Variants in PLXDC2 observed in about 807,000 individuals in gnomAD.
PLXDC2 encodes plexin domain containing 2, also known as plexin domain-containing protein 2.
In PLXDC2, 40 loss-of-function variants were observed where a neutral mutation model predicts 68.9. The observed-to-expected ratio is 0.58, with a 90% CI of 0.45 to 0.76. The LOEUF (loss-of-function observed/expected upper bound fraction) is 0.76, where lower values mean the gene tolerates loss of function less well. Among genes scored for constraint, PLXDC2 ranks in the 30% least tolerant of loss-of-function variants. The probability of loss-of-function intolerance (pLI) is 0.00; values close to 1 mark genes in which losing one functional copy is unlikely to be tolerated. For synonymous variants in PLXDC2, 243 were observed against 234.2 expected (o/e 1.04, Z -0.34); for missense variants, 644 against 661.9 (o/e 0.97, Z 0.30).
intron 4 of PLXDC2, among the ~76,000 whole-genome samples, chr10:20,131,671 A>T (rs894735543): frequency 1.3e-5 from 2 of 152,194 alleles, no homozygotes; most frequent in Non-Finnish European, 2.9e-5. Flanking sequence ...AAGTGCTGGG[A>T]TTACAGGCGT....
chr10:20,138,244 G>A (rs776259094), intron 4 of PLXDC2, among the ~76,000 whole-genome samples: 22 of 152,158 alleles, frequency 1.4e-4, no homozygotes, highest in Admixed American at 6.5e-5. Flanking sequence ...TAAAGTCGCA[G>A]TTTCCAAGAA....
chr10:20,202,358 CAT>C (rs1336003469), intron 9 of PLXDC2, among the ~76,000 whole-genome samples: 7 of 152,154 alleles, frequency 4.6e-5, no homozygotes, highest in Non-Finnish European at 8.8e-5. Context: ...TCAGAAATCT[CAT>C]ACTTTATGTT....
At chr10:19,886,651 A>G (rs1466506649) in intron 1 of PLXDC2, among the ~76,000 whole-genome samples, 1 of 152,214 alleles carries the variant, frequency 6.6e-6, no homozygotes, top group Non-Finnish European at 1.5e-5. Flanking sequence ...ATCTATGACA[A>G]ACCCACAGCC....
At chr10:20,065,473 G>T (rs187825064) in intron 3 of PLXDC2, among the ~76,000 whole-genome samples, 23 of 152,298 alleles carry the variant, frequency 1.5e-4, no homozygotes, top group Middle Eastern at 6.8e-3. Context: ...CCAGTTTCAT[G>T]AAAGGTGGTT....
intron 1 of PLXDC2, among the ~76,000 whole-genome samples, chr10:19,991,681 A>G (rs1406541953): frequency 1.3e-5 from 2 of 152,178 alleles, no homozygotes. Flanking sequence ...AACTGAATAT[A>G]AAGTTATGAC....
intron 4 of PLXDC2, among the ~76,000 whole-genome samples, chr10:20,136,474 T>G (rs1833934418): frequency 6.6e-6 from 1 of 152,192 alleles, no homozygotes; most frequent in South Asian, 2.1e-4. Context: ...TTCAAGCAAC[T>G]TGTCCACCAC....
chr10:20,047,067 G>T, intron 3 of PLXDC2, 52 bp downstream of exon 3: 2 of 1,499,272 alleles, frequency 1.3e-6, no homozygotes, highest in South Asian at 1.4e-5. Context: ...AAAAATAATT[G>T]CTTTAATTGG....
chr10:19,834,777 A>G (rs771966878), intron 1 of PLXDC2, among the ~76,000 whole-genome samples: 1 of 152,240 alleles, frequency 6.6e-6, no homozygotes, highest in South Asian at 2.1e-4. Context: ...GATGTATCCT[A>G]TGCGCCTAGC....
At chr10:20,125,620 G>A (rs369087140) in intron 4 of PLXDC2, among the ~76,000 whole-genome samples, 1 of 152,126 alleles carries the variant, frequency 6.6e-6, no homozygotes. Context: ...AGCAAAGAGA[G>A]GAATCAATGC....
chr10:20,195,307 A>G (rs1834822819), intron 9 of PLXDC2, among the ~76,000 whole-genome samples: 1 of 152,100 alleles, frequency 6.6e-6, no homozygotes, highest in Non-Finnish European at 1.5e-5. Flanking sequence ...TGATTCATGC[A>G]TGTTTTCCTG....
At chr10:20,179,701 G>A (rs930949198) in intron 9 of PLXDC2, among the ~76,000 whole-genome samples, 5 of 151,978 alleles carry the variant, frequency 3.3e-5, no homozygotes, top group African/African-American at 7.2e-5. Flanking sequence ...TTTGACATTC[G>A]AAACATATCT....
At chr10:19,880,999 G>C (rs924624508) in intron 1 of PLXDC2, among the ~76,000 whole-genome samples, 3 of 152,100 alleles carry the variant, frequency 2.0e-5, no homozygotes, top group African/African-American at 7.2e-5. Flanking sequence ...TTTAAAATTA[G>C]GTTGTGCTCA....
At chr10:20,075,590 C>T (rs1256741692) in intron 4 of PLXDC2, among the ~76,000 whole-genome samples, 1 of 152,084 alleles carries the variant, frequency 6.6e-6, no homozygotes, top group Non-Finnish European at 1.5e-5. Context: ...CTCCTTGTGG[C>T]AGGGGTGGGA....
chr10:20,108,154 G>A (rs1246726040), intron 4 of PLXDC2, among the ~76,000 whole-genome samples: 1 of 152,136 alleles, frequency 6.6e-6, no homozygotes, highest in African/African-American at 2.4e-5. Context: ...CGTCGGCACG[G>A]CAAGGCAACA....
chr10:20,009,006 A>G (rs1050938841), intron 2 of PLXDC2, among the ~76,000 whole-genome samples: 1 of 152,162 alleles, frequency 6.6e-6, no homozygotes, highest in Non-Finnish European at 1.5e-5. Flanking sequence ...GCAGCTTGAA[A>G]ACGGACTAAT....
In PLXDC2 at chr10:20,001,706, G is replaced by T. The variant is rs755227147; in HGVS notation, c.113-69G>T. 2.8e-6 allele frequency: 4 copies of T among 1,413,264 alleles called. No individual in the cohort carries two copies. In the Admixed American group the frequency reaches 7.9e-5, roughly 28 times the overall value. 87.5% of individuals were successfully genotyped at this position (1,413,264 alleles called of 1,614,324 possible). On this transcript the variant is annotated intron_variant, in intron 1 of 13. Coordinates refer to ENST00000377252, the MANE Select transcript of PLXDC2 (RefSeq NM_032812.9). ...CCTCACAGAATTCTTTTTTCTTCTC[G>T]AGCCGATAGCACTTGCATGTATGGT...
At chr10:20,055,520 C>T (rs1447020867) in intron 3 of PLXDC2, among the ~76,000 whole-genome samples, 1 of 152,084 alleles carries the variant, frequency 6.6e-6, no homozygotes, top group Non-Finnish European at 1.5e-5. Context: ...CTAGACTGCA[C>T]ATTTTTGCCT....
chr10:19,819,247 A>C (rs1294882397), intron 1 of PLXDC2, among the ~76,000 whole-genome samples: 1 of 152,232 alleles, frequency 6.6e-6, no homozygotes, highest in Admixed American at 6.5e-5. Context: ...ATACTCTAGA[A>C]ACCCATATAT....
chr10:20,086,577 G>A (rs371963900), intron 4 of PLXDC2, among the ~76,000 whole-genome samples: 19 of 152,156 alleles, frequency 1.2e-4, no homozygotes, highest in East Asian at 1.2e-3. Flanking sequence ...GTTTACGGGC[G>A]CCTCTCAGCT....
Sources: gnomAD v4.1 joint callset for allele counts (sites outside exome capture counted in the v4.1 genomes callset) on GRCh38, gnomAD v4.1.1 for gene constraint, MANE v1.5 for transcripts, NCBI Gene and HGNC (gene_info 2026-07-23, HGNC 2026-07-21) for gene names.